Variants in TTC22 observed in about 807,000 individuals in gnomAD.
TTC22 encodes tetratricopeptide repeat domain 22.
In TTC22, 42 loss-of-function variants were observed where a neutral mutation model predicts 48.2. That is an observed-to-expected ratio of 0.87 (90% CI 0.68 to 1.13). The LOEUF (loss-of-function observed/expected upper bound fraction) is 1.13. Ranked by LOEUF, TTC22 falls within the 50% of genes most tolerant of loss-of-function variation. The pLI is 0.00. For missense variants in TTC22, 784 were observed against 807.0 expected, an observed-to-expected ratio of 0.97 and a Z score of 0.34; for synonymous variants, 345 against 365.5, an observed-to-expected ratio of 0.94 and a Z score of 0.64.
At chr1:54,786,716 GA>G in intron 4 of TTC22, 1 of 389,630 alleles carries the variant, frequency 2.6e-6, no homozygotes, top group African/African-American at 2.1e-5. Flanking sequence ...GGTCTCAAGG[GA>G]AAAAGTCTAA....
intron 1 of TTC22, chr1:54,794,714 T>C (rs1053975678): frequency 6.6e-6 from 1 of 152,180 alleles, no homozygotes; most frequent in African/African-American, 2.4e-5. Context: ...TCAGAAGGTA[T>C]AATGCATCTT....
At chr1:54,788,178 C>G in intron 1 of TTC22, 81 bp from the exon 2 acceptor site, 1 of 1,367,618 alleles carries the variant, frequency 7.3e-7, no homozygotes, top group South Asian at 1.2e-5. Flanking sequence ...CTCACTGAAC[C>G]CCAAGAGGCA....
At chr1:54,784,038 A>G (rs1450056026) in intron 5 of TTC22, among the ~76,000 whole-genome samples, 1 of 152,202 alleles carries the variant, frequency 6.6e-6, no homozygotes, top group African/African-American at 2.4e-5. Context: ...TAACAAATTA[A>G]ATGTTGGCAT....
chr1:54,787,410 T>A (rs1431005921), intron 3 of TTC22: 1 of 565,826 alleles, frequency 1.8e-6, no homozygotes, highest in Admixed American at 3.2e-5. Context: ...ACTCGACTCC[T>A]CTCCAACAGA....
chr1:54,795,181 G>A (rs188790321), intron 1 of TTC22, among the ~76,000 whole-genome samples: 15 of 152,336 alleles, frequency 9.8e-5, no homozygotes, highest in Non-Finnish European at 7.4e-5. Flanking sequence ...AGGGGTCCTG[G>A]AGAGCCCACT....
At chr1:54,797,093 C>T (rs959552284) in intron 1 of TTC22, among the ~76,000 whole-genome samples, 4 of 152,144 alleles carry the variant, frequency 2.6e-5, no homozygotes, top group Admixed American at 1.3e-4. Context: ...ACGTTAGAAT[C>T]CCATTTTACA....
At chr1:54,796,020 A>G (rs1219202409) in intron 1 of TTC22, among the ~76,000 whole-genome samples, 1 of 152,270 alleles carries the variant, frequency 6.6e-6, no homozygotes, top group Non-Finnish European at 1.5e-5. Flanking sequence ...AATGGGGTTA[A>G]TGGATTTGCC....
chr1:54,787,117 G>A (rs1646310427), intron 3 of TTC22, 42 bp from the exon 4 acceptor site: 3 of 1,112,312 alleles, frequency 2.7e-6, no homozygotes, highest in African/African-American at 3.2e-5. Flanking sequence ...GAAGCAGCAG[G>A]GTGGAGAGAG....
At chr1:54,792,511 C>A (rs1286378990) in intron 1 of TTC22, among the ~76,000 whole-genome samples, 6 of 152,010 alleles carry the variant, frequency 3.9e-5, no homozygotes, top group African/African-American at 1.5e-4. Context: ...CTTGGCTCAA[C>A]GCAACCTCCG....
chr1:54,788,724 C>G (rs893308040), intron 1 of TTC22, among the ~76,000 whole-genome samples: 1 of 152,210 alleles, frequency 6.6e-6, no homozygotes, highest in African/African-American at 2.4e-5. Flanking sequence ...CCACATTCAT[C>G]TCCCGTCCCT....
At chr1:54,796,358 G>A (rs75179826) in intron 1 of TTC22, among the ~76,000 whole-genome samples, 15 of 152,356 alleles carry the variant, frequency 9.8e-5, no homozygotes, top group Non-Finnish European at 1.3e-4. Flanking sequence ...CTCCCCAGCC[G>A]CCTCAGCTGG....
Position 54,800,965 on chromosome 1 carries a change from CG to C in TTC22, c.198del (p.Ala67LeufsTer118). 6.2e-7 allele frequency: 1 copy of C among 1,601,638 alleles called. No homozygotes were observed. The highest frequency in any genetic ancestry group is 1.1e-5 in the South Asian group (1 of 90,348). On this transcript the variant is annotated frameshift_variant, in exon 1 of 7. Coordinates refer to ENST00000371276, the MANE Select transcript of TTC22 (RefSeq NM_001114108.2). LOFTEE classifies it high-confidence loss of function. ...ELQLAAAPQR[P>X]AVRHLLGAFA... ...AAAGCGCCCAGGAGGTGACGCACAG[CG>C]GGGCGCTGCGGGGCGGCCGCCAGCT... is the stretch of plus-strand genomic sequence containing the variant.
Position 54,800,898 on chromosome 1 carries a change from A to G in TTC22, c.266T>C (p.Phe89Ser). The change falls in exon 1 of 7, where the codon TTC becomes TCC. Residue 89 changes from phenylalanine to serine, a missense_variant. Coordinates refer to ENST00000371276, the MANE Select transcript of TTC22 (RefSeq NM_001114108.2). ...LEELDEARECFLEVAHEHPGN... is the reference protein window; with the variant it reads ...LEELDEARECSLEVAHEHPGN... The stretch of plus-strand genomic sequence containing the variant: ...CGGGTGCTCGTGGGCCACCTCGAGG[A>G]AGCACTCGCGGGCCTCGTCCAGCTC... 6.2e-7 allele frequency: 1 copy of G among 1,610,456 alleles called. No homozygotes were observed.
rs915539616 is a variant in TTC22 at position 54,781,708 on chromosome 1, C to A, written c.1245G>T (p.Ala415=). 1 of 1,526,434 alleles carries A rather than the reference C, an allele frequency of 6.6e-7. No individual in the cohort carries two copies. The highest frequency in any genetic ancestry group is 2.0e-5 in the Admixed American group (1 of 50,250). 94.6% of individuals were successfully genotyped at this position (1,526,434 alleles called of 1,614,324 possible). The change falls in exon 7 of 7, where the codon GCG becomes GCT. Residue 415 remains alanine (A), a synonymous_variant. Transcript: ENST00000371276. ...CGCCCGCCTTGGCCAGGAACACCAGCGCCTGGTTCAGCGCCGCCTCGTCCA... is the reference window on the plus strand; with the variant it reads ...CGCCCGCCTTGGCCAGGAACACCAGAGCCTGGTTCAGCGCCGCCTCGTCCA... ...LAVDEAALNQ[A]LVFLAKAGES...
chr1:54,781,486 G>A lies in TTC22; in HGVS notation c.1467C>T (p.Ser489=). ...LLAQWSQAQL[S]DGELGREVDA... ...CCACCTCGCGGCCCAGCTCCCCGTCGCTCAGCTGTGCCTGGCTCCACTGCG... is the reference window on the plus strand; with the variant it reads ...CCACCTCGCGGCCCAGCTCCCCGTCACTCAGCTGTGCCTGGCTCCACTGCG... The change falls in exon 7 of 7, where the codon AGC becomes AGT. Residue 489 remains serine, a synonymous_variant. Coordinates refer to ENST00000371276, the MANE Select transcript of TTC22 (RefSeq NM_001114108.2). 1 of 1,480,892 alleles carries A rather than the reference G, an allele frequency of 6.8e-7. No homozygotes were observed. 91.7% of individuals were successfully genotyped at this position (1,480,892 alleles called of 1,614,324 possible).
chr1:54,785,042 CA>C (rs1211441631), intron 5 of TTC22: 13 of 193,490 alleles, frequency 6.7e-5, no homozygotes, highest in Non-Finnish European at 1.4e-4. Context: ...CTGAGTTTTA[CA>C]TACAAAATCT....
chr1:54,800,681 G>C lies in TTC22; in HGVS notation c.483C>G (p.Val161=), dbSNP rs756325466. 6.4e-7 allele frequency: 1 copy of C among 1,551,666 alleles called. No individual in the cohort carries two copies. Among genetic ancestry groups the C allele is most frequent in the Non-Finnish European group, 8.6e-7 (1 of 1,157,956 alleles). Residue 161 remains valine (V), a synonymous_variant, in exon 1 of 7, where the codon GTC becomes GTG. Coordinates refer to ENST00000371276, the MANE Select transcript of TTC22 (RefSeq NM_001114108.2). ...CACGCTCCTCTGGGCTGGCGCAGCC[G>C]ACGTCGAAGCCATGCGCGTAGCCCT... The part of the protein sequence containing the change: ...AEQGYAHGFD[V]GCASPEERAR...
At position 54,781,798 on chromosome 1, in the gene TTC22, G is replaced by C; in HGVS notation, c.1174-19C>G. On this transcript the variant is annotated intron_variant, in intron 6 of 6. Coordinates refer to ENST00000371276, the MANE Select transcript of TTC22 (RefSeq NM_001114108.2). ...AGTAGACCTGGGGTCGGGGACGCGG[G>C]GTGAGCCCTTCACCGCAGGCGCGGC... The C allele has an allele frequency of 7.1e-7, 1 of 1,400,750 alleles. No individual in the cohort carries two copies. Among genetic ancestry groups the C allele is most frequent in the South Asian group, 1.5e-5 (1 of 65,280 alleles). The allele number at this position is 1,400,750 out of a possible 1,614,324, so 86.8% of individuals were successfully genotyped here.
chr1:54,785,933 G>T (rs959920697), intron 5 of TTC22, 50 bp downstream of exon 5: 3 of 1,577,912 alleles, frequency 1.9e-6, no homozygotes, highest in Admixed American at 1.7e-5. Flanking sequence ...TCTGGCCCTT[G>T]TTCTCTGATT....
Sources: gnomAD v4.1 joint callset for allele counts (sites outside exome capture counted in the v4.1 genomes callset) on GRCh38, gnomAD v4.1.1 for gene constraint, MANE v1.5 for transcripts, NCBI Gene and HGNC (gene_info 2026-07-23, HGNC 2026-07-21) for gene names.